The following NAALADL2 variants were observed in gnomAD, a reference collection of about 807,000 sequenced individuals.
NAALADL2 encodes the protein N-acetylated alpha-linked acidic dipeptidase like 2.
A neutral mutation model predicts 87.2 loss-of-function variants in NAALADL2; 76 were observed. The observed-to-expected ratio is 0.87, with a 90% CI of 0.72 to 1.05. The LOEUF (loss-of-function observed/expected upper bound fraction) is 1.05. Ranked by LOEUF, NAALADL2 falls within the 50% of genes least tolerant of loss-of-function variation. NAALADL2 has a pLI of 0.00. For missense variants in NAALADL2, 1,089 were observed against 945.8 expected, an observed-to-expected ratio of 1.15 and a Z score of -1.99; for synonymous variants, 354 against 331.0, an observed-to-expected ratio of 1.07 and a Z score of -0.75.
At chr3:175,552,536 G>A (rs1181589012) in intron 9 of NAALADL2, among the ~76,000 whole-genome samples, 1 of 152,056 alleles carries the variant, frequency 6.6e-6, no homozygotes, top group Non-Finnish European at 1.5e-5. Flanking sequence ...ACCATATTAT[G>A]TAGTTGTCAA....
At chr3:175,522,544 G>C (rs1000252949) in intron 9 of NAALADL2, among the ~76,000 whole-genome samples, 1 of 152,184 alleles carries the variant, frequency 6.6e-6, no homozygotes, top group Non-Finnish European at 1.5e-5. Context: ...GATCAGAATA[G>C]GAGGTGAGAT....
At chr3:174,896,930 A>G (rs2109831772) in intron 1 of NAALADL2, among the ~76,000 whole-genome samples, 1 of 152,300 alleles carries the variant, frequency 6.6e-6, no homozygotes, top group East Asian at 1.9e-4. Flanking sequence ...GGGTAAAGAC[A>G]GTCTCTTCAA....
chr3:174,997,334 C>T (rs1462002999), intron 1 of NAALADL2, among the ~76,000 whole-genome samples: 2 of 151,986 alleles, frequency 1.3e-5, no homozygotes, highest in Non-Finnish European at 2.9e-5. Flanking sequence ...ACACCAACAT[C>T]TATTGTTTTT....
chr3:174,948,320 G>C (rs1328548009), intron 1 of NAALADL2, among the ~76,000 whole-genome samples: 1 of 152,058 alleles, frequency 6.6e-6, no homozygotes, highest in African/African-American at 2.4e-5. Flanking sequence ...GGGACTATAG[G>C]CGTGTGCCAC....
At chr3:175,641,100 C>T (rs1729227677) in intron 11 of NAALADL2, among the ~76,000 whole-genome samples, 1 of 152,094 alleles carries the variant, frequency 6.6e-6, no homozygotes, top group Admixed American at 6.6e-5. Flanking sequence ...CTTCATCTTC[C>T]ATTTCTTGTT....
upstream of NAALADL2, among the ~76,000 whole-genome samples, chr3:174,857,511 C>A (rs1276328334): frequency 6.6e-6 from 1 of 152,046 alleles, no homozygotes; most frequent in Non-Finnish European, 1.5e-5. Context: ...AATTTCAGTG[C>A]CTGGGGCAGG....
At chr3:175,007,962 G>A (rs545648673) in intron 1 of NAALADL2, among the ~76,000 whole-genome samples, 25 of 152,220 alleles carry the variant, frequency 1.6e-4, no homozygotes, top group South Asian at 1.0e-3. Context: ...AGTAACTAGC[G>A]ACGGGGTAGC....
intron 11 of NAALADL2, among the ~76,000 whole-genome samples, chr3:175,717,909 A>G (rs1741571868): frequency 6.7e-6 from 1 of 149,820 alleles, no homozygotes; most frequent in Non-Finnish European, 1.5e-5. Context: ...TCCCGGGCTC[A>G]AGAGATTCTG....
intron 3 of NAALADL2, among the ~76,000 whole-genome samples, chr3:174,760,349 A>T (rs1712758539): frequency 6.6e-6 from 1 of 152,210 alleles, no homozygotes; most frequent in Non-Finnish European, 1.5e-5. Context: ...AAGCCAGTTG[A>T]ATTTCTTAAC....
intron 10 of NAALADL2, among the ~76,000 whole-genome samples, chr3:175,610,451 T>C (rs767046772): frequency 3.3e-5 from 5 of 152,128 alleles, no homozygotes. Flanking sequence ...TGAAAATATT[T>C]AAGAATTTTT....
At chr3:175,084,239 A>G (rs1370109436) in intron 1 of NAALADL2, among the ~76,000 whole-genome samples, 1 of 152,140 alleles carries the variant, frequency 6.6e-6, no homozygotes, top group Non-Finnish European at 1.5e-5. Context: ...TCATTTAATT[A>G]TGTCTCATTA....
At chr3:175,715,471 A>G (rs1331147125) in intron 11 of NAALADL2, among the ~76,000 whole-genome samples, 2 of 152,196 alleles carry the variant, frequency 1.3e-5, no homozygotes, top group East Asian at 3.8e-4. Context: ...TTGCATAGAC[A>G]TTGTAAATGT....
intron 2 of NAALADL2, among the ~76,000 whole-genome samples, chr3:175,155,605 C>T (rs984009568): frequency 2.0e-5 from 3 of 151,916 alleles, no homozygotes; most frequent in Admixed American, 6.6e-5. Context: ...TTTCTATTTG[C>T]TTTATGCTAT....
chr3:174,700,748 C>G (rs7639982), intron 2 of NAALADL2, among the ~76,000 whole-genome samples: 1 of 151,876 alleles, frequency 6.6e-6, no homozygotes, highest in Non-Finnish European at 1.5e-5. Context: ...ATTTAGAAAT[C>G]AGGGCAATGA....
intron 1 of NAALADL2, among the ~76,000 whole-genome samples, chr3:175,077,441 G>A (rs572223797): frequency 1.8e-4 from 27 of 152,220 alleles, no homozygotes; most frequent in African/African-American, 6.3e-4. Flanking sequence ...ATGCTAGCCA[G>A]CATTTAAATT....
intron 1 of NAALADL2, among the ~76,000 whole-genome samples, chr3:174,862,870 A>T (rs1726671039): frequency 6.6e-6 from 1 of 151,966 alleles, no homozygotes. Context: ...AGTTCTTCTT[A>T]GTTCTCTAGC....
chr3:175,181,025 T>C (rs192366711), intron 2 of NAALADL2, among the ~76,000 whole-genome samples: 3 of 152,156 alleles, frequency 2.0e-5, no homozygotes, highest in Non-Finnish European at 4.4e-5. Flanking sequence ...CATCTTGATG[T>C]ATGTCCAAGC....
chr3:175,354,462 A>G (rs182193982), intron 5 of NAALADL2, among the ~76,000 whole-genome samples: 1 of 152,028 alleles, frequency 6.6e-6, no homozygotes, highest in Non-Finnish European at 1.5e-5. Flanking sequence ...AGAAGAAAAT[A>G]TTTTTTCAGA....
chr3:174,707,808 A>T (rs572584435), intron 2 of NAALADL2, among the ~76,000 whole-genome samples: 16 of 152,174 alleles, frequency 1.1e-4, no homozygotes, highest in East Asian at 9.7e-4. Context: ...AAAAAATTTT[A>T]AAAAAGGACA....
Sources: gnomAD v4.1 joint callset for allele counts (sites outside exome capture counted in the v4.1 genomes callset) on GRCh38, gnomAD v4.1.1 for gene constraint, MANE v1.5 for transcripts, NCBI Gene and HGNC (gene_info 2026-07-23, HGNC 2026-07-21) for gene names.